Variants in PCNT observed in about 807,000 individuals in gnomAD.
PCNT encodes kendrin.
Under a neutral mutation model 380.4 loss-of-function variants are expected in PCNT, and 319 were observed. The observed-to-expected ratio is 0.84, with a 90% CI of 0.77 to 0.92. The LOEUF (loss-of-function observed/expected upper bound fraction) is 0.92. Ranked by LOEUF, PCNT falls within the 40% of genes least tolerant of loss-of-function variation. The pLI, the probability that PCNT is intolerant of heterozygous loss-of-function variation, is 0.00. For missense variants in PCNT, 4,400 were observed against 4,255.3 expected, an observed-to-expected ratio of 1.03 and a Z score of -0.95; for synonymous variants, 1,845 against 1,735.2, an observed-to-expected ratio of 1.06 and a Z score of -1.57.
rs886057189 is a variant in PCNT at position 46,416,386 on chromosome 21, A to C, written c.6468A>C (p.Pro2156=). Residue 2156 remains proline (P), a synonymous_variant, in exon 30 of 47, where the codon CCA becomes CCC. Transcript: ENST00000359568. ...ACGCGTGTGATGCCAATACAACCCC[A>C]GGGGGTGTAACTGATGTTATCAAAA... The part of the protein sequence containing the change: ...AIDACDANTT[P]GGVTDVIKNW... 2 of 1,613,962 alleles carry C rather than the reference A, an allele frequency of 1.2e-6. No individual in the cohort carries two copies. Among genetic ancestry groups the C allele is most frequent in the African/African-American group, 1.3e-5 (1 of 74,898 alleles).
chr21:46,361,204 G>T (rs2084702824), intron 13 of PCNT, among the ~76,000 whole-genome samples: 2 of 152,128 alleles, frequency 1.3e-5, no homozygotes, highest in African/African-American at 4.8e-5. Context: ...GGCCAACATG[G>T]GGAAACCCTG....
intron 14 of PCNT, among the ~76,000 whole-genome samples, chr21:46,365,408 A>T (rs77882502): frequency 0.019 from 397 of 21,354 alleles, 9 homozygotes; most frequent in Non-Finnish European, 0.023. Context: ...TGGGGTTCTG[A>T]TCACTGCCGT....
At chr21:46,383,277 G>A (rs2147180934) in intron 16 of PCNT, among the ~76,000 whole-genome samples, 1 of 147,314 alleles carries the variant, frequency 6.8e-6, no homozygotes, top group Non-Finnish European at 1.5e-5. Flanking sequence ...CATTCACAGT[G>A]CTGTGCATTC....
rs766930826 is a variant in PCNT, at chr21:46,412,894, G to C, written c.6052G>C (p.Gly2018Arg). The C allele has an allele frequency of 6.2e-7, 1 of 1,612,960 alleles. No homozygotes were observed. Among genetic ancestry groups the C allele is most frequent in the Non-Finnish European group, 8.5e-7 (1 of 1,180,026 alleles). ...LKDAPLCKQE[G>R]VMSVLTVCQR... Reference sequence around the variant, plus strand: ...GGATGCACCTCTCTGCAAGCAAGAAGGCGTGATGTCAGTGCTCACCGTCTG... The same window carrying C: ...GGATGCACCTCTCTGCAAGCAAGAACGCGTGATGTCAGTGCTCACCGTCTG... The change falls in exon 29 of 47, where the codon GGC (glycine) becomes CGC (arginine). Residue 2018 changes from glycine (G) to arginine (R), a missense_variant. Transcript: ENST00000359568.
chr21:46,431,318 T>C (rs2087753116), intron 37 of PCNT: 1 of 1,425,352 alleles, frequency 7.0e-7, no homozygotes, highest in African/African-American at 1.4e-5. Context: ...CTCAACACCA[T>C]TTCCGAAAAA....
Position 46,324,973 on chromosome 21 carries a change from C to G in PCNT, c.54+691C>G. On this transcript the variant is annotated intron_variant, in intron 1 of 46. Coordinates refer to ENST00000359568, the MANE Select transcript of PCNT (RefSeq NM_006031.6). Reference sequence around the variant, plus strand: ...CGCGCCCTTGGGCTCGCGTCCTGCCCGTCCGGGCCTGGCGTACGCTGCCGG... The same window carrying G: ...CGCGCCCTTGGGCTCGCGTCCTGCCGGTCCGGGCCTGGCGTACGCTGCCGG... 5.6e-6 allele frequency: 5 copies of G among 898,226 alleles called. No homozygotes were observed. In the South Asian group the frequency reaches 2.8e-4, roughly 50 times the overall value. The allele number at this position is 898,226 out of a possible 1,614,324, so 55.6% of individuals were successfully genotyped here. A position where few individuals can be genotyped will look rare whatever the true frequency, so the allele number is the denominator to read the frequency against.
rs753903146 is a variant in PCNT, at chr21:46,412,831, G to C, written c.5995-6G>C. 6.2e-7 allele frequency: 1 copy of C among 1,610,634 alleles called. No homozygotes were observed. Among genetic ancestry groups the C allele is most frequent in the Non-Finnish European group, 8.5e-7 (1 of 1,179,986 alleles). ...TGCTCAGCTTTCCTCTGTCTCCTCT[G>C]TCAAGGGTGATCTGCAGCCTGTCCT... On this transcript the variant is annotated splice_region_variant and splice_polypyrimidine_tract_variant and intron_variant, in intron 28 of 46. Coordinates refer to ENST00000359568, the MANE Select transcript of PCNT (RefSeq NM_006031.6).
chr21:46,444,863 A>T (rs1018586645), intron 46 of PCNT, 42 bp downstream of exon 46: 3 of 1,597,628 alleles, frequency 1.9e-6, no homozygotes, highest in Admixed American at 1.7e-5. Flanking sequence ...GCTGATTATC[A>T]CTGTACCCTG....
At chr21:46,324,561 G>T (rs1394513814) in intron 1 of PCNT, among the ~76,000 whole-genome samples, 11 of 97,612 alleles carry the variant, frequency 1.1e-4, no homozygotes, top group African/African-American at 5.1e-4. Context: ...CTGCGCCTGC[G>T]TCGGGGGGGG....
intron 15 of PCNT, among the ~76,000 whole-genome samples, chr21:46,373,043 G>A (rs1327164613): frequency 6.6e-6 from 1 of 152,124 alleles, no homozygotes; most frequent in Non-Finnish European, 1.5e-5. Flanking sequence ...TGTTTTGGAG[G>A]GAGGATCTTG....
At chr21:46,444,045 C>T (rs923888051) in intron 45 of PCNT, 97 bp downstream of exon 45, 4 of 1,341,280 alleles carry the variant, frequency 3.0e-6, no homozygotes, top group Non-Finnish European at 4.1e-6. Flanking sequence ...TGGCTTTGGC[C>T]CAGCCCAGGG....
Position 46,438,341 on chromosome 21 carries a change from G to T in PCNT, c.9273+4G>T. ...GCAGAAGGGCTGCAGCCCAAGCGTAGGTGTCTGTGCTTAACTCTTACCTGC... is the reference window on the plus strand; with the variant it reads ...GCAGAAGGGCTGCAGCCCAAGCGTATGTGTCTGTGCTTAACTCTTACCTGC... On this transcript the variant is annotated splice_donor_region_variant and intron_variant, in intron 41 of 46. Coordinates refer to ENST00000359568, the MANE Select transcript of PCNT (RefSeq NM_006031.6). 1 of 1,613,724 alleles carries T rather than the reference G, an allele frequency of 6.2e-7. No individual in the cohort carries two copies. Among genetic ancestry groups the T allele is most frequent in the Non-Finnish European group, 8.5e-7 (1 of 1,179,756 alleles).
chr21:46,385,701 T>A (rs2147229815), intron 16 of PCNT, 131 bp from the exon 17 acceptor site: 2 of 964,362 alleles, frequency 2.1e-6, no homozygotes, highest in East Asian at 4.8e-5. Context: ...CTGCTCCTTT[T>A]GCCCCATCAC....
chr21:46,365,567 G>T lies in PCNT; in HGVS notation c.2610-1017G>T, dbSNP rs535404445. 4.8e-5 allele frequency among the ~76,000 whole-genome samples: 6 copies of T among 125,636 alleles called. 2 individuals are homozygous for T. The highest frequency in any genetic ancestry group is 5.7e-4 in the South Asian group (2 of 3,504). The allele number at this position is 125,636 out of a possible 152,430, so 82.4% of individuals were successfully genotyped here. On this transcript the variant is annotated intron_variant, in intron 14 of 46. Transcript: ENST00000359568. The stretch of plus-strand genomic sequence containing the variant: ...GTTCTGATCACTGCCGTGGGGTTCT[G>T]TTCACTCCCATGGGGTTCTGATCAC...
At chr21:46,326,216 G>A (rs2146237694) in intron 1 of PCNT, among the ~76,000 whole-genome samples, 161 bp from the exon 2 acceptor site, 1 of 152,348 alleles carries the variant, frequency 6.6e-6, no homozygotes, top group East Asian at 1.9e-4. Flanking sequence ...AGATATTGAT[G>A]AAGGCAGTGT....
chr21:46,400,565 C>A, intron 25 of PCNT, among the ~76,000 whole-genome samples: 1 of 132,484 alleles, frequency 7.5e-6, no homozygotes, highest in South Asian at 2.3e-4. Context: ...GTCACCCAGG[C>A]TGGAGTGCAG....
At position 46,416,360 on chromosome 21, in the gene PCNT, G is replaced by A. The variant is rs1432656690; in HGVS notation, c.6442G>A (p.Asp2148Asn). Reference protein sequence around the residue: ...VTDVIKNQAIDACDANTTPGG... With the variant: ...VTDVIKNQAINACDANTTPGG... ...TGATGTTATCAAAAATCAGGCCATA[G>A]ACGCGTGTGATGCCAATACAACCCC... is the stretch of plus-strand genomic sequence containing the variant. Residue 2148 changes from aspartate to asparagine, a missense_variant, in exon 30 of 47, where the codon GAC becomes AAC. By Grantham distance (23) the Asp-to-Asn change is conservative. Coordinates refer to ENST00000359568, the MANE Select transcript of PCNT (RefSeq NM_006031.6). 6.2e-7 allele frequency: 1 copy of A among 1,614,108 alleles called. No individual in the cohort carries two copies. Among genetic ancestry groups the A allele is most frequent in the Non-Finnish European group, 8.5e-7 (1 of 1,179,988 alleles).
chr21:46,445,415 A>G lies in PCNT; in HGVS notation c.*88A>G. 1 of 1,001,974 alleles carries G rather than the reference A, an allele frequency of 1.0e-6. No individual in the cohort carries two copies. The highest frequency in any genetic ancestry group is 2.4e-5 in the East Asian group (1 of 42,162). The allele number at this position is 1,001,974 out of a possible 1,614,324, so 62.1% of individuals were successfully genotyped here. On this transcript the variant is annotated 3_prime_UTR_variant, in exon 47 of 47. Coordinates refer to ENST00000359568, the MANE Select transcript of PCNT (RefSeq NM_006031.6). ...TTCCCAAGGAAGCTCGTGGGACAGC[A>G]TGGGCACTACTCTTCATGTGCGGTG...
rs1292693372 is a variant in PCNT at position 46,435,667 on chromosome 21, C to T, written c.8752-237C>T. 3.9e-5 allele frequency among the ~76,000 whole-genome samples: 6 copies of T among 152,158 alleles called. No homozygotes were observed. The East Asian group carries it at 5.8e-4, about 15-fold the overall frequency. ...ACGCCATTCTCCTGCCTCATCCTCT[C>T]GAGTAGCTGGGACTACAGGCGCCCG... On this transcript the variant is annotated intron_variant, in intron 38 of 46. Coordinates refer to ENST00000359568, the MANE Select transcript of PCNT (RefSeq NM_006031.6).
Sources: allele counts gnomAD v4.1 joint callset (sites outside exome capture counted in the v4.1 genomes callset), GRCh38; gene constraint gnomAD v4.1.1; transcripts MANE v1.5; gene names NCBI Gene and HGNC (gene_info 2026-07-23, HGNC 2026-07-21).